The following ADGRL2 variants were observed in gnomAD, a reference collection of about 807,000 sequenced individuals.
ADGRL2 encodes the protein calcium-independent alpha-latrotoxin receptor 2.
In ADGRL2, 44 loss-of-function variants were observed where a neutral mutation model predicts 157.4. That is an observed-to-expected ratio of 0.28 (90% CI 0.22 to 0.36). The LOEUF is 0.36. Ranked by LOEUF, ADGRL2 falls within the 10% of genes least tolerant of loss-of-function variation. The probability of loss-of-function intolerance (pLI) is 1.00; values close to 1 mark genes in which losing one functional copy is unlikely to be tolerated. For synonymous variants in ADGRL2, 585 were observed against 624.7 expected, an observed-to-expected ratio of 0.94 and a Z score of 0.95; for missense variants, 1,510 against 1,768.9, an observed-to-expected ratio of 0.85 and a Z score of 2.63.
chr1:81,413,926 A>G (rs1003535526), intron 1 of ADGRL2, among the ~76,000 whole-genome samples: 2 of 152,218 alleles, frequency 1.3e-5, no homozygotes, highest in South Asian at 2.1e-4. Context: ...GGGGAAAAGG[A>G]GTCCTATTGC....
intron 2 of ADGRL2, among the ~76,000 whole-genome samples, chr1:81,888,618 AT>A (rs1557850710): frequency 6.6e-6 from 1 of 151,850 alleles, no homozygotes; most frequent in Non-Finnish European, 1.5e-5. Flanking sequence ...TTGTTTTTGT[AT>A]TTTTAGTAGA....
intron 2 of ADGRL2, among the ~76,000 whole-genome samples, chr1:81,845,569 T>G (rs1203869756): frequency 6.6e-6 from 1 of 152,034 alleles, no homozygotes; most frequent in Non-Finnish European, 1.5e-5. Flanking sequence ...GGGATACTTC[T>G]GGGGACAAAA....
rs976032104 is a variant in ADGRL2, at chr1:81,727,690, C to T, written c.-143+27882C>T. On this transcript the variant is annotated intron_variant, in intron 1 of 20. Coordinates refer to the ADGRL2 transcript ENST00000359929. ...TCATGATCCGTCCGCCTCAGCCTTC[C>T]AAAGTACTGGGATTGCAGGCATGAG... Among the ~76,000 whole-genome samples the T allele has an allele frequency of 2.2e-4, 33 of 152,044 alleles. 1 individual carries two copies. The highest frequency in any genetic ancestry group is 7.3e-4 in the African/African-American group (30 of 41,366).
intron 3 of ADGRL2, among the ~76,000 whole-genome samples, chr1:81,599,641 A>G (rs2081299415): frequency 6.6e-6 from 1 of 152,308 alleles, no homozygotes; most frequent in African/African-American, 2.4e-5. Flanking sequence ...CAACATAATA[A>G]TTCATCTTTC....
At chr1:81,960,149 T>A (rs1380774907) in intron 11 of ADGRL2, among the ~76,000 whole-genome samples, 1 of 152,176 alleles carries the variant, frequency 6.6e-6, no homozygotes, top group Non-Finnish European at 1.5e-5. Flanking sequence ...AAAAAAAATA[T>A]TTTTTAAACA....
chr1:81,737,140 C>T (rs552395350), intron 1 of ADGRL2, among the ~76,000 whole-genome samples: 48 of 152,156 alleles, frequency 3.2e-4, no homozygotes, highest in African/African-American at 1.1e-3. Flanking sequence ...GGCCAACTCC[C>T]TCAATCTTAA....
intron 2 of ADGRL2, among the ~76,000 whole-genome samples, chr1:81,509,805 T>C (rs1204971306): frequency 6.6e-6 from 1 of 152,188 alleles, no homozygotes; most frequent in Non-Finnish European, 1.5e-5. Context: ...AGCCATTTCT[T>C]GTGTGCAAAC....
chr1:81,584,419 A>G (rs1489594503), intron 3 of ADGRL2, among the ~76,000 whole-genome samples: 2 of 152,158 alleles, frequency 1.3e-5, no homozygotes, highest in African/African-American at 4.8e-5. Flanking sequence ...TTAAGTAAAT[A>G]CCATAGCCCT....
rs1401484978 is a variant in ADGRL2 at position 81,966,271 on chromosome 1, C to CA, written c.2143+95dup. 2.8e-5 allele frequency: 43 copies of CA among 1,557,292 alleles called. No homozygotes were observed. The East Asian group carries it at 7.2e-4, about 26-fold the overall frequency. On this transcript the variant is annotated intron_variant, in intron 12 of 23. Transcript: ENST00000686636. The stretch of plus-strand genomic sequence containing the variant: ...AAAATGTATTTGAGTCCTTATATAA[C>CA]AAAAAAACGGCTTACCATTTAAAAG...
chr1:81,508,178 T>C (rs1186055564), intron 2 of ADGRL2, among the ~76,000 whole-genome samples: 1 of 152,236 alleles, frequency 6.6e-6, no homozygotes, highest in Non-Finnish European at 1.5e-5. Context: ...AGCTTGTGTA[T>C]GCATATGTAT....
intron 2 of ADGRL2, among the ~76,000 whole-genome samples, chr1:81,563,091 T>A (rs2080480539): frequency 6.6e-6 from 1 of 152,198 alleles, no homozygotes; most frequent in African/African-American, 2.4e-5. Context: ...TTTCTCAATA[T>A]GACCTGTGAA....
At chr1:81,557,897 T>G (rs1297844094) in intron 2 of ADGRL2, 2 of 152,286 alleles carry the variant, frequency 1.3e-5, no homozygotes, top group Non-Finnish European at 2.9e-5. Flanking sequence ...TGAATATTTG[T>G]CACATTCTCT....
intron 3 of ADGRL2, among the ~76,000 whole-genome samples, chr1:81,673,899 A>G (rs1446886725): frequency 1.3e-5 from 2 of 152,170 alleles, no homozygotes; most frequent in African/African-American, 4.8e-5. Flanking sequence ...GAATCAAATC[A>G]TTATAATGTC....
chr1:81,669,661 G>T (rs1156903139), intron 3 of ADGRL2, among the ~76,000 whole-genome samples: 2 of 151,984 alleles, frequency 1.3e-5, no homozygotes, highest in Admixed American at 6.6e-5. Flanking sequence ...GAGGACACCT[G>T]GCTGGGTGTG....
intron 2 of ADGRL2, among the ~76,000 whole-genome samples, chr1:81,554,461 C>T (rs2080224083): frequency 6.6e-6 from 1 of 151,936 alleles, no homozygotes; most frequent in Admixed American, 6.6e-5. Flanking sequence ...GCTATTTCCC[C>T]TCTTAGCTAT....
chr1:81,910,854 T>C (rs564404461), intron 3 of ADGRL2, among the ~76,000 whole-genome samples: 14 of 152,156 alleles, frequency 9.2e-5, no homozygotes, highest in African/African-American at 3.1e-4. Flanking sequence ...ATTTCTTTAA[T>C]GTAGAAAGTT....
chr1:81,453,684 T>C (rs2077745195), intron 2 of ADGRL2, among the ~76,000 whole-genome samples: 1 of 152,184 alleles, frequency 6.6e-6, no homozygotes, highest in African/African-American at 2.4e-5. Context: ...GACTGGTGAC[T>C]TTAGCAGGCT....
chr1:81,533,266 C>G (rs2079649738), intron 2 of ADGRL2, among the ~76,000 whole-genome samples: 1 of 152,082 alleles, frequency 6.6e-6, no homozygotes, highest in Non-Finnish European at 1.5e-5. Flanking sequence ...GTAATCCCAG[C>G]TACTCGGGAG....
At chr1:81,722,586 C>A in intron 1 of ADGRL2, 1 of 1,459,494 alleles carries the variant, frequency 6.9e-7, no homozygotes, top group Non-Finnish European at 9.5e-7. Context: ...GCCTAGGCCA[C>A]TGGGAAGATG....
Sources: gnomAD v4.1 joint callset for allele counts (sites outside exome capture counted in the v4.1 genomes callset) on GRCh38, gnomAD v4.1.1 for gene constraint, MANE v1.5 for transcripts, NCBI Gene and HGNC (gene_info 2026-07-23, HGNC 2026-07-21) for gene names.